Variants in CAMSAP2 observed in about 807,000 individuals in gnomAD.
The protein encoded by CAMSAP2 is calmodulin-regulated spectrin-associated protein 2.
A neutral mutation model predicts 146.1 loss-of-function variants in CAMSAP2; 26 were observed. That is an observed-to-expected ratio of 0.18 (90% confidence interval 0.13 to 0.25). CAMSAP2 has a LOEUF of 0.25. CAMSAP2 is among the 10% of genes least tolerant of loss of function. CAMSAP2 has a pLI of 1.00. For synonymous variants in CAMSAP2, 499 were observed against 596.6 expected (o/e 0.84, Z 2.38); for missense variants, 1,381 against 1,759.3 (o/e 0.78, Z 3.85).
rs1667799848 is a variant in CAMSAP2 at position 200,858,409 on chromosome 1, T to C, written c.*350T>C. ...GGTTAAGATTACAAATTATGTGTTTTATTTGTTGCTTTTTTTTAACCTTTT... is the reference window on the plus strand; with the variant it reads ...GGTTAAGATTACAAATTATGTGTTTCATTTGTTGCTTTTTTTTAACCTTTT... On this transcript the variant is annotated 3_prime_UTR_variant, in exon 17 of 17. Coordinates refer to ENST00000358823, the MANE Select transcript of CAMSAP2 (RefSeq NM_203459.4). 1.7e-5 allele frequency: 3 copies of C among 179,360 alleles called. No homozygotes were observed. The South Asian group carries it at 5.9e-4, about 35-fold the overall frequency. 11.1% of individuals were successfully genotyped at this position (179,360 alleles called of 1,614,324 possible). A position where few individuals can be genotyped will look rare whatever the true frequency, so the allele number is the denominator to read the frequency against.
intron 1 of CAMSAP2, among the ~76,000 whole-genome samples, chr1:200,751,101 C>T (rs907414372): frequency 6.6e-6 from 1 of 151,462 alleles, no homozygotes; most frequent in Middle Eastern, 3.4e-3. Context: ...TAGGGTTTCA[C>T]CATGTTGGCC....
At chr1:200,800,041 T>A (rs1448678719) in intron 2 of CAMSAP2, among the ~76,000 whole-genome samples, 1 of 152,234 alleles carries the variant, frequency 6.6e-6, no homozygotes, top group Non-Finnish European at 1.5e-5. Context: ...GACTGTTTGT[T>A]ATGATTTCCA....
chr1:200,852,440 T>G (rs578204103), intron 11 of CAMSAP2, 101 bp from the exon 12 acceptor site: 1 of 1,333,608 alleles, frequency 7.5e-7, no homozygotes, highest in East Asian at 2.4e-5. Flanking sequence ...TAGTTCAAAC[T>G]TTCAGTTATA....
At chr1:200,797,018 G>T (rs551927061) in intron 2 of CAMSAP2, among the ~76,000 whole-genome samples, 16 of 152,292 alleles carry the variant, frequency 1.1e-4, no homozygotes, top group African/African-American at 3.6e-4. Context: ...TTTTATGGCT[G>T]CATAGTATTC....
Position 200,844,654 on chromosome 1 carries a change from A to T in CAMSAP2, c.1022-128A>T, listed in dbSNP as rs1009070911. 1.5e-4 allele frequency: 73 copies of T among 479,780 alleles called. No individual in the cohort carries two copies. In the Admixed American group the frequency reaches 1.8e-3, roughly 12 times the overall value. 29.7% of individuals were successfully genotyped at this position (479,780 alleles called of 1,614,324 possible). A position where few individuals can be genotyped will look rare whatever the true frequency, so the allele number is the denominator to read the frequency against. On this transcript the variant is annotated intron_variant, in intron 7 of 16. Transcript: ENST00000358823. ...GAAAATTATTTAAGAAGAAAACTTT[A>T]TGCTATGATTTCTCAATACGTAGAA...
At position 200,842,007 on chromosome 1, in the gene CAMSAP2, T is replaced by G; in HGVS notation, c.941T>G (p.Val314Gly). Residue 314 changes from valine to glycine, a missense_variant, in exon 7 of 17, where the codon GTG (valine) becomes GGG (glycine). Val to Gly is a moderately radical substitution (Grantham distance 109). Coordinates refer to ENST00000358823, the MANE Select transcript of CAMSAP2 (RefSeq NM_203459.4). ...TTTCCTATATAGAGTAATTATTTGG[T>G]GTTCATGGCGGAACTGTTCTGGTGG... ...AASSIKSNYL[V>G]FMAELFWWFE... 3 of 1,612,916 alleles carry G rather than the reference T, an allele frequency of 1.9e-6. No homozygotes were observed. Among genetic ancestry groups the G allele is most frequent in the Non-Finnish European group, 2.5e-6 (3 of 1,178,918 alleles).
intron 2 of CAMSAP2, among the ~76,000 whole-genome samples, chr1:200,802,985 C>A (rs1666075119): frequency 6.6e-6 from 1 of 152,166 alleles, no homozygotes; most frequent in African/African-American, 2.4e-5. Flanking sequence ...AAATCCTTTT[C>A]TTTTCATTGA....
At chr1:200,768,243 C>T (rs190446849) in intron 2 of CAMSAP2, among the ~76,000 whole-genome samples, 2 of 152,264 alleles carry the variant, frequency 1.3e-5, no homozygotes, top group East Asian at 1.9e-4. Context: ...GAATTTACCA[C>T]ATAGAGAAAT....
intron 2 of CAMSAP2, among the ~76,000 whole-genome samples, chr1:200,806,765 G>GTGTGTATCTATC (rs1396000266): frequency 1.4e-4 from 19 of 140,226 alleles, no homozygotes; most frequent in South Asian, 4.8e-4. Context: ...GTGTGTGTGT[G>GTGTGTATCTATC]TATCTATCTA....
At chr1:200,746,951 C>A (rs748893003) in intron 1 of CAMSAP2, among the ~76,000 whole-genome samples, 2 of 151,992 alleles carry the variant, frequency 1.3e-5, no homozygotes, top group African/African-American at 2.4e-5. Flanking sequence ...TCACTGTCAC[C>A]CAGGCTGAGT....
chr1:200,769,337 C>G (rs766315400), intron 2 of CAMSAP2, among the ~76,000 whole-genome samples: 4 of 152,180 alleles, frequency 2.6e-5, no homozygotes, highest in Non-Finnish European at 4.4e-5. Context: ...CTGTAAGACT[C>G]ATACTAAGTT....
intron 4 of CAMSAP2, among the ~76,000 whole-genome samples, chr1:200,830,659 T>C (rs758192180): frequency 3.9e-5 from 6 of 152,226 alleles, no homozygotes; most frequent in Non-Finnish European, 8.8e-5. Flanking sequence ...TCCCCATGGT[T>C]GATTTTAAGC....
At chr1:200,820,078 T>TTTTTTA (rs1666709173) in intron 4 of CAMSAP2, among the ~76,000 whole-genome samples, 1 of 151,766 alleles carries the variant, frequency 6.6e-6, no homozygotes, top group African/African-American at 2.4e-5. Context: ...TTTTTTTTTT[T>TTTTTTA]GAGACGGAGT....
intron 1 of CAMSAP2, among the ~76,000 whole-genome samples, chr1:200,756,459 A>G (rs1241557091): frequency 6.6e-6 from 1 of 152,140 alleles, no homozygotes; most frequent in Non-Finnish European, 1.5e-5. Context: ...TCTCAAAGAA[A>G]AAAAGAAAAA....
At position 200,776,968 on chromosome 1, in the gene CAMSAP2, A is replaced by G. The variant is rs540703389; in HGVS notation, c.399+15870A>G. On this transcript the variant is annotated intron_variant, in intron 2 of 16. Transcript: ENST00000358823. ...ACAGGTGCTTGCCTCAAGGCCCCTT[A>G]TGTGGAAAATCTTCAAAGGAGAGAG... is the stretch of plus-strand genomic sequence containing the variant. Among the ~76,000 whole-genome samples the G allele has an allele frequency of 1.6e-4, 25 of 152,252 alleles. 1 individual carries two copies. The South Asian group carries it at 5.2e-3, about 32-fold the overall frequency.
intron 7 of CAMSAP2, among the ~76,000 whole-genome samples, chr1:200,844,530 AGAGC>A (rs974405745): frequency 6.6e-6 from 1 of 152,140 alleles, no homozygotes; most frequent in African/African-American, 2.4e-5. Flanking sequence ...CCTGGGTGAC[AGAGC>A]GAGACTCCGT....
intron 4 of CAMSAP2, among the ~76,000 whole-genome samples, chr1:200,819,015 A>C (rs1666679392): frequency 6.6e-6 from 1 of 152,232 alleles, no homozygotes; most frequent in Admixed American, 6.5e-5. Context: ...TCAGATGTCC[A>C]GTAGAATTTG....
At chr1:200,816,291 C>CA (rs909022951) in intron 4 of CAMSAP2, among the ~76,000 whole-genome samples, 9 of 136,782 alleles carry the variant, frequency 6.6e-5, no homozygotes, top group Admixed American at 5.9e-4. Flanking sequence ...CCATCTCAAA[C>CA]AAAAAAAATA....
chr1:200,757,863 T>TA (rs1230492737), intron 1 of CAMSAP2, among the ~76,000 whole-genome samples: 2 of 152,212 alleles, frequency 1.3e-5, no homozygotes, highest in East Asian at 3.8e-4. Flanking sequence ...TTTTAAAACT[T>TA]ACACTTTCAC....
Sources: gnomAD v4.1 joint callset for allele counts (sites outside exome capture counted in the v4.1 genomes callset) on GRCh38, gnomAD v4.1.1 for gene constraint, MANE v1.5 for transcripts, NCBI Gene and HGNC (gene_info 2026-07-23, HGNC 2026-07-21) for gene names.